RPN2: variants seen among roughly 807,000 people sequenced by gnomAD.
The protein encoded by RPN2 is dolichyl-diphosphooligosaccharide--protein glycosyltransferase subunit 2.
Under a neutral mutation model 71.4 loss-of-function variants are expected in RPN2, and 29 were observed. That is an observed-to-expected ratio of 0.41 (90% CI 0.30 to 0.55). RPN2 has a LOEUF of 0.55. Among genes scored for constraint, RPN2 ranks in the 20% least tolerant of loss-of-function variants. The probability of loss-of-function intolerance (pLI) is 0.35; values close to 1 mark genes in which losing one functional copy is unlikely to be tolerated. For missense variants in RPN2, 726 were observed against 774.1 expected (o/e 0.94, Z 0.74); for synonymous variants, 308 against 305.0 (o/e 1.01, Z -0.10).
rs887686000 is a variant in RPN2, at chr20:37,185,789, C to T, written c.207+1416C>T. On this transcript the variant is annotated intron_variant, in intron 2 of 16. Transcript: ENST00000237530. ...ACTATGGGTGCATCCCACCGCACCC[C>T]GCTGTTAGCTGATAATCCTGCAGGT... is the stretch of plus-strand genomic sequence containing the variant. Among the ~76,000 whole-genome samples, 10 of 152,288 alleles carry T rather than the reference C, an allele frequency of 6.6e-5. No homozygotes were observed. The South Asian group carries it at 1.2e-3, about 19-fold the overall frequency.
intron 3 of RPN2, among the ~76,000 whole-genome samples, 158 bp from the exon 4 acceptor site, chr20:37,198,892 T>G (rs2067315701): frequency 6.6e-6 from 1 of 152,164 alleles, no homozygotes; most frequent in Non-Finnish European, 1.5e-5. Flanking sequence ...TACCGAAGTT[T>G]TGCAAACATT....
chr20:37,195,445 C>G (rs1416026209), intron 2 of RPN2, among the ~76,000 whole-genome samples: 1 of 152,212 alleles, frequency 6.6e-6, no homozygotes, highest in African/African-American at 2.4e-5. Flanking sequence ...CAGAGCCAGG[C>G]TCTTCTGGAG....
chr20:37,181,545 A>G (rs533259745), intron 1 of RPN2, among the ~76,000 whole-genome samples: 3 of 149,566 alleles, frequency 2.0e-5, no homozygotes, highest in Non-Finnish European at 3.0e-5. Flanking sequence ...CAGCCTCCCT[A>G]GTAGCTGGGA....
chr20:37,228,708 A>C lies in RPN2; in HGVS notation c.1458A>C (p.Gly486=). 6.2e-7 allele frequency: 1 copy of C among 1,614,236 alleles called. No individual in the cohort carries two copies. Among genetic ancestry groups the C allele is most frequent in the Non-Finnish European group, 8.5e-7 (1 of 1,180,036 alleles). ...CCTACACTCTCTACTTAATCATTGG[A>C]GATGCCACTTTGAAGAACCCAATCC... ...SGTYTLYLII[G]DATLKNPILW... The change falls in exon 12 of 17, where the codon GGA becomes GGC. Residue 486 remains glycine, a synonymous_variant. Coordinates refer to ENST00000237530, the MANE Select transcript of RPN2 (RefSeq NM_002951.5).
chr20:37,200,534 G>A (rs1174366109), intron 4 of RPN2: 2 of 506,802 alleles, frequency 3.9e-6, no homozygotes, highest in Admixed American at 2.3e-5. Context: ...CAGTGAGATT[G>A]TTTCCCAGGT....
intron 12 of RPN2, chr20:37,229,728 C>CT (rs2068186221): frequency 7.2e-6 from 4 of 555,038 alleles, no homozygotes; most frequent in Non-Finnish European, 1.3e-5. Context: ...TATTAAGCAG[C>CT]TCTATGGGGC....
chr20:37,211,595 A>ACG (rs1321938812), intron 8 of RPN2, among the ~76,000 whole-genome samples: 5 of 151,380 alleles, frequency 3.3e-5, no homozygotes, highest in Admixed American at 3.3e-4. Flanking sequence ...TGAGCTGAGA[A>ACG]CGCGCCATTG....
At chr20:37,236,760 C>T (rs768675482) in intron 16 of RPN2, 51 bp downstream of exon 16, 1 of 1,574,514 alleles carries the variant, frequency 6.4e-7, no homozygotes, top group Non-Finnish European at 8.7e-7. Flanking sequence ...AAATACTCAG[C>T]TCTGCCGGCC....
At chr20:37,205,643 C>T (rs2067495352) in intron 6 of RPN2, among the ~76,000 whole-genome samples, 1 of 152,106 alleles carries the variant, frequency 6.6e-6, no homozygotes, top group African/African-American at 2.4e-5. Context: ...AAATAGTTAT[C>T]TGTCTTGGAT....
At chr20:37,211,420 C>T (rs1315509233) in intron 8 of RPN2, among the ~76,000 whole-genome samples, 1 of 150,858 alleles carries the variant, frequency 6.6e-6, no homozygotes, top group East Asian at 2.0e-4. Flanking sequence ...GGGCGGATCA[C>T]TTGAGGTCAG....
Position 37,207,429 on chromosome 20 carries a change from C to T in RPN2, c.847C>T (p.His283Tyr). Residue 283 changes from histidine to tyrosine, a missense_variant, in exon 7 of 17, where the codon CAT becomes TAT. Physicochemically the swap from His to Tyr is moderately conservative, Grantham distance 83. Coordinates refer to ENST00000237530, the MANE Select transcript of RPN2 (RefSeq NM_002951.5). Reference protein sequence around the residue: ...VVPEGSASDTHEQAILRLQVT... With the variant: ...VVPEGSASDTYEQAILRLQVT... The stretch of plus-strand genomic sequence containing the variant: ...GCCTGAGGGCTCTGCTTCCGACACT[C>T]ATGAACAGGCTATCTTGCGGGTAAG... 3.1e-6 allele frequency: 5 copies of T among 1,614,186 alleles called. No individual in the cohort carries two copies. The highest frequency in any genetic ancestry group is 4.2e-6 in the Non-Finnish European group (5 of 1,180,016).
chr20:37,193,621 A>G (rs1178164321), intron 2 of RPN2, among the ~76,000 whole-genome samples: 1 of 152,202 alleles, frequency 6.6e-6, no homozygotes, highest in Non-Finnish European at 1.5e-5. Flanking sequence ...GCAGGGGGCT[A>G]CAGGGCAAGA....
In RPN2 at chr20:37,225,718, A is replaced by T. The variant is rs780643991; in HGVS notation, c.1215A>T (p.Thr405=). 1.9e-5 allele frequency: 31 copies of T among 1,614,070 alleles called. No individual in the cohort carries two copies. Among genetic ancestry groups the T allele is most frequent in the Middle Eastern group, 1.6e-4 (1 of 6,084 alleles). Reference sequence around the variant, plus strand: ...CATACCCAGCCAAAGCCAAGGGCACATTCATCGCAGACAGCCACCAGAACT... The same window carrying T: ...CATACCCAGCCAAAGCCAAGGGCACTTTCATCGCAGACAGCCACCAGAACT... The part of the protein sequence containing the change: ...RVTYPAKAKG[T]FIADSHQNFA... Residue 405 remains threonine, a synonymous_variant, in exon 11 of 17, where the codon ACA becomes ACT. Coordinates refer to ENST00000237530, the MANE Select transcript of RPN2 (RefSeq NM_002951.5).
intron 2 of RPN2, among the ~76,000 whole-genome samples, chr20:37,194,331 G>A (rs1161903462): frequency 6.6e-6 from 1 of 151,970 alleles, no homozygotes; most frequent in Non-Finnish European, 1.5e-5. Flanking sequence ...GCTCGATCTC[G>A]GCTCACTGCA....
intron 4 of RPN2, among the ~76,000 whole-genome samples, chr20:37,203,633 C>T (rs927244944): frequency 6.6e-6 from 1 of 152,188 alleles, no homozygotes; most frequent in East Asian, 1.9e-4. Context: ...TGAGCCACTG[C>T]GCCCAGCCCA....
rs761030692 is a variant in RPN2 at position 37,232,441 on chromosome 20, G to GC, written c.1677+51dup. 3 of 1,598,350 alleles carry GC rather than the reference G, an allele frequency of 1.9e-6. No homozygotes were observed. The South Asian group carries it at 3.3e-5, about 18-fold the overall frequency. On this transcript the variant is annotated intron_variant, in intron 14 of 16. Coordinates refer to ENST00000237530, the MANE Select transcript of RPN2 (RefSeq NM_002951.5). ...CAGCATGCGTCTGGCGCCAGACCCA[G>GC]CAGATGCATTCCTTCCAAAGGAGGC...
At chr20:37,202,554 C>G (rs545412650) in intron 4 of RPN2, among the ~76,000 whole-genome samples, 1 of 152,268 alleles carries the variant, frequency 6.6e-6, no homozygotes, top group African/African-American at 2.4e-5. Flanking sequence ...ACCAGGGGGC[C>G]TCTCCTCTCC....
chr20:37,199,091 T>C lies in RPN2; in HGVS notation c.345T>C (p.Ala115=). The C allele has an allele frequency of 6.2e-7, 1 of 1,613,936 alleles. No individual in the cohort carries two copies. Among genetic ancestry groups the C allele is most frequent in the Non-Finnish European group, 8.5e-7 (1 of 1,179,762 alleles). ...AGACCAAAGATCTGCTTCTGGCAGC[T>C]GTCAGTGAGGACTCATCTGTTACCC... ...SNETKDLLLA[A]VSEDSSVTQI... The change falls in exon 4 of 17, where the codon GCT becomes GCC. Residue 115 remains alanine, a synonymous_variant. Transcript: ENST00000237530.
At chr20:37,223,738 A>AT (rs1228599194) in intron 9 of RPN2, 140 bp from the exon 10 acceptor site, 9 of 712,366 alleles carry the variant, frequency 1.3e-5, no homozygotes, top group Non-Finnish European at 2.2e-5. Flanking sequence ...GGTCAGTGTT[A>AT]TTATCATCCT....
Sources: gnomAD v4.1 joint callset for allele counts (sites outside exome capture counted in the v4.1 genomes callset) on GRCh38, gnomAD v4.1.1 for gene constraint, MANE v1.5 for transcripts, NCBI Gene and HGNC (gene_info 2026-07-23, HGNC 2026-07-21) for gene names.